RNF17: variants seen among roughly 807,000 people sequenced by gnomAD.
The protein encoded by RNF17 is ring finger protein 17.
Under a neutral mutation model 200.5 loss-of-function variants are expected in RNF17, and 31 were observed. The ratio of observed to expected loss-of-function variants is 0.15; its 90% CI spans 0.12 to 0.21. The LOEUF (loss-of-function observed/expected upper bound fraction) is 0.21, where lower values mean the gene tolerates loss of function less well. RNF17 is among the 10% of genes least tolerant of loss of function. The pLI is 1.00. For missense variants in RNF17, 1,628 were observed against 1,905.1 expected, an observed-to-expected ratio of 0.85 and a Z score of 2.71; for synonymous variants, 606 against 637.8, an observed-to-expected ratio of 0.95 and a Z score of 0.75.
chr13:24,872,994 A>C (rs570939089), intron 32 of RNF17, among the ~76,000 whole-genome samples: 7 of 152,208 alleles, frequency 4.6e-5, no homozygotes, highest in Non-Finnish European at 8.8e-5. Flanking sequence ...AAGCCTGTAC[A>C]TTGTAATAAG....
In RNF17 at chr13:24,879,845, G is replaced by A. The variant is rs1333442666; in HGVS notation, c.*119G>A. 2 of 152,124 alleles carry A rather than the reference G, an allele frequency of 1.3e-5. No individual in the cohort carries two copies. The highest frequency in any genetic ancestry group is 2.9e-5 in the Non-Finnish European group (2 of 68,032). 9.4% of individuals were successfully genotyped at this position (152,124 alleles called of 1,614,324 possible). A position where few individuals can be genotyped will look rare whatever the true frequency, so the allele number is the denominator to read the frequency against. ...AATTTTCCTAACTTGTTCAGCACTA[G>A]TGCTTTACCTCTCATTTTTAATTGA... On this transcript the variant is annotated 3_prime_UTR_variant, in exon 36 of 36. Transcript: ENST00000255324.
At chr13:24,779,938 T>G (rs1192926177) in intron 5 of RNF17, among the ~76,000 whole-genome samples, 191 bp downstream of exon 5, 1 of 152,214 alleles carries the variant, frequency 6.6e-6, no homozygotes, top group Non-Finnish European at 1.5e-5. Context: ...TGCTAGGAAC[T>G]TAATAAAATT....
intron 22 of RNF17, among the ~76,000 whole-genome samples, chr13:24,845,809 A>T (rs531290704): frequency 4.2e-4 from 64 of 152,358 alleles, no homozygotes; most frequent in African/African-American, 1.4e-3. Context: ...TTTTAGCCGT[A>T]TAACCTCTTG....
the RNF17 span, chr13:24,885,550 T>C: frequency 1.5e-6 from 2 of 1,368,940 alleles, no homozygotes; most frequent in Non-Finnish European, 2.1e-6. Flanking sequence ...TATTAACAAA[T>C]TGATTTCAAG....
intron 15 of RNF17, among the ~76,000 whole-genome samples, chr13:24,820,049 A>T (rs1887847488): frequency 6.6e-6 from 1 of 151,344 alleles, no homozygotes; most frequent in Non-Finnish European, 1.5e-5. Context: ...TCTTTAGTAC[A>T]TCATATATAT....
At chr13:24,826,273 A>G (rs975441198) in intron 16 of RNF17, among the ~76,000 whole-genome samples, 3 of 152,208 alleles carry the variant, frequency 2.0e-5, no homozygotes, top group Non-Finnish European at 4.4e-5. Context: ...GAAGAATAAA[A>G]AGTGGGATTG....
chr13:24,883,143 C>T (rs1272578956), downstream of RNF17: 12 of 1,563,992 alleles, frequency 7.7e-6, no homozygotes, highest in Non-Finnish European at 9.7e-6. Context: ...CATAAAAAGT[C>T]AGTTACTGTT....
At chr13:24,827,711 A>AAAAAAAAAAAAAAAAAAAAAAAAAAT (rs1888865924) in intron 16 of RNF17, among the ~76,000 whole-genome samples, 1 of 133,248 alleles carries the variant, frequency 7.5e-6, no homozygotes, top group Non-Finnish European at 1.5e-5. Context: ...CAAAAAAAAA[A>AAAAAAAAAAAAAAAAAAAAAAAAAAT]AAAAAACAAA....
chr13:24,841,189 T>C (rs796862638), intron 18 of RNF17, among the ~76,000 whole-genome samples: 18 of 152,322 alleles, frequency 1.2e-4, no homozygotes, highest in African/African-American at 4.3e-4. Flanking sequence ...CCCAGTCTAG[T>C]TTAAGAAATA....
Position 24,864,902 on chromosome 13 carries a change from G to T in RNF17, c.4005G>T (p.Leu1335Phe). The change falls in exon 29 of 36, where the codon TTG becomes TTT. Residue 1335 changes from leucine (L) to phenylalanine (F), a missense_variant. Physicochemically the swap from Leu to Phe is conservative, Grantham distance 22 (BLOSUM62 0). Coordinates refer to ENST00000255324, the MANE Select transcript of RNF17 (RefSeq NM_031277.3). ...MELPKNPWEK[L>F]SIHLYFDGMS... ...TACCTAAAAATCCATGGGAGAAATT[G>T]TCTATTCACCTCTATTTTGATGGAA... The T allele has an allele frequency of 6.4e-7, 1 of 1,561,024 alleles. No homozygotes were observed. The highest frequency in any genetic ancestry group is 8.8e-7 in the Non-Finnish European group (1 of 1,142,682).
upstream of RNF17, among the ~76,000 whole-genome samples, chr13:24,763,844 A>T (rs776512201): frequency 1.3e-5 from 2 of 152,202 alleles, no homozygotes; most frequent in Non-Finnish European, 2.9e-5. Context: ...TGGCCCTGAC[A>T]CGTAATAGGG....
In RNF17 at chr13:24,836,893, G is replaced by A. The variant is rs1274894752; in HGVS notation, c.2482+4915G>A. Among the ~76,000 whole-genome samples, 3 of 152,286 alleles carry A rather than the reference G, an allele frequency of 2.0e-5. No individual in the cohort carries two copies. The East Asian group carries it at 5.8e-4, about 29-fold the overall frequency. On this transcript the variant is annotated intron_variant, in intron 18 of 35. Transcript: ENST00000255324. Reference sequence around the variant, plus strand: ...TCACGTTTCAATATTAACATTGAATGTAAATTGCCTAAATGCTCACTTAAA... The same window carrying A: ...TCACGTTTCAATATTAACATTGAATATAAATTGCCTAAATGCTCACTTAAA...
At chr13:24,839,112 C>T (rs981587846) in intron 18 of RNF17, among the ~76,000 whole-genome samples, 2 of 152,080 alleles carry the variant, frequency 1.3e-5, no homozygotes, top group African/African-American at 4.8e-5. Context: ...TATAACTAAC[C>T]AAGAAGTCAA....
intron 15 of RNF17, among the ~76,000 whole-genome samples, chr13:24,805,740 A>T: frequency 6.6e-6 from 1 of 152,140 alleles, no homozygotes; most frequent in East Asian, 1.9e-4. Flanking sequence ...GCTGGATTAT[A>T]TGGTAATTTT....
At chr13:24,784,609 A>G (rs1318470094) in intron 6 of RNF17, among the ~76,000 whole-genome samples, 2 of 152,150 alleles carry the variant, frequency 1.3e-5, no homozygotes, top group African/African-American at 4.8e-5. Flanking sequence ...ACCTAGTTAT[A>G]TAATTTGTGT....
chr13:24,796,882 ATTT>A (rs761575992), intron 11 of RNF17, among the ~76,000 whole-genome samples: 21 of 152,158 alleles, frequency 1.4e-4, no homozygotes, highest in Non-Finnish European at 2.8e-4. Context: ...TTAATAGAGT[ATTT>A]TTCTCATTAT....
chr13:24,800,222 T>C, intron 12 of RNF17, 144 bp from the exon 13 acceptor site: 1 of 538,308 alleles, frequency 1.9e-6, no homozygotes, highest in Non-Finnish European at 3.2e-6. Flanking sequence ...GTCTATATAG[T>C]AAGAAAGTAT....
chr13:24,755,169 G>A, the RNF17 span, among the ~76,000 whole-genome samples: 7 of 152,008 alleles, frequency 4.6e-5, no homozygotes, highest in Admixed American at 2.6e-4. Context: ...CCTATTTTCT[G>A]TTTTATTAAC....
Position 24,812,267 on chromosome 13 carries a change from C to T in RNF17, c.2091+7838C>T, listed in dbSNP as rs536314844. On this transcript the variant is annotated intron_variant, in intron 15 of 35. Coordinates refer to ENST00000255324, the MANE Select transcript of RNF17 (RefSeq NM_031277.3). ...TCGCTGCCGCCTTGCAGTTTGATCT[C>T]AGACTGCTGTGCTAGCAGTCAGCGA... Among the ~76,000 whole-genome samples the T allele has an allele frequency of 9.9e-5, 15 of 151,316 alleles. No individual in the cohort carries two copies. In the East Asian group the frequency reaches 1.1e-3, roughly 11 times the overall value.
Sources: allele counts gnomAD v4.1 joint callset (sites outside exome capture counted in the v4.1 genomes callset), GRCh38; gene constraint gnomAD v4.1.1; transcripts MANE v1.5; gene names NCBI Gene and HGNC (gene_info 2026-07-23, HGNC 2026-07-21).